SRGAP1: variants seen among roughly 807,000 people sequenced by gnomAD.
The protein encoded by SRGAP1 is SLIT-ROBO Rho GTPase activating protein 1.
A neutral mutation model predicts 121.9 loss-of-function variants in SRGAP1; 43 were observed. The observed-to-expected ratio is 0.35, with a 90% CI of 0.28 to 0.46. SRGAP1 has a LOEUF of 0.46. SRGAP1 is among the 20% of genes least tolerant of loss of function. The pLI, the probability that SRGAP1 is intolerant of heterozygous loss-of-function variation, is 1.00. For missense variants in SRGAP1, 1,102 were observed against 1,350.9 expected (o/e 0.82, Z 2.89); for synonymous variants, 447 against 485.4 (o/e 0.92, Z 1.04).
chr12:63,962,257 C>T (rs550680465), intron 1 of SRGAP1, among the ~76,000 whole-genome samples: 2 of 152,258 alleles, frequency 1.3e-5, no homozygotes, highest in African/African-American at 4.8e-5. Context: ...ATGTCCTCTA[C>T]TTCCCAATAA....
chr12:63,882,062 A>G (rs995540225), intron 1 of SRGAP1, among the ~76,000 whole-genome samples: 1 of 152,222 alleles, frequency 6.6e-6, no homozygotes, highest in African/African-American at 2.4e-5. Context: ...AATTAAGCAA[A>G]TATTAGGTTG....
At position 64,043,636 on chromosome 12, in the gene SRGAP1, C is replaced by T. The variant is rs954027205; in HGVS notation, c.801+61C>T. 25 of 1,330,330 alleles carry T rather than the reference C, an allele frequency of 1.9e-5. 1 individual carries two copies. Among genetic ancestry groups the T allele is most frequent in the African/African-American group, 3.0e-5 (2 of 67,488 alleles). 82.4% of individuals were successfully genotyped at this position (1,330,330 alleles called of 1,614,324 possible). On this transcript the variant is annotated intron_variant, in intron 6 of 21. Coordinates refer to ENST00000355086, the MANE Select transcript of SRGAP1 (RefSeq NM_020762.4). ...AATGAAATTAACAATAACCATATTT[C>T]GTTGATTGGAAAATACTGTCATTTC...
intron 1 of SRGAP1, among the ~76,000 whole-genome samples, chr12:63,913,313 C>T (rs1236286855): frequency 6.9e-6 from 1 of 145,310 alleles, no homozygotes; most frequent in Non-Finnish European, 1.5e-5. Context: ...TGCTCATAAC[C>T]ATGCCTAGCT....
chr12:63,871,677 A>C, intron 1 of SRGAP1: 1 of 683,856 alleles, frequency 1.5e-6, no homozygotes, highest in Non-Finnish European at 2.5e-6. Context: ...ATTTTCCTAC[A>C]GGTAATTTTT....
chr12:63,879,926 C>T (rs983534743), intron 1 of SRGAP1, among the ~76,000 whole-genome samples: 4 of 152,138 alleles, frequency 2.6e-5, no homozygotes, highest in African/African-American at 7.2e-5. Context: ...GGAGTATCTC[C>T]ATCCATAATG....
chr12:64,091,362 T>G lies in SRGAP1; in HGVS notation c.1523T>G (p.Leu508Trp), dbSNP rs1409765874. 1 of 1,606,048 alleles carries G rather than the reference T, an allele frequency of 6.2e-7. No individual in the cohort carries two copies. The highest frequency in any genetic ancestry group is 1.7e-5 in the Admixed American group (1 of 59,752). Residue 508 changes from leucine (L) to tryptophan (W), a missense_variant, in exon 12 of 22, where the codon TTG becomes TGG. By Grantham distance (61) the Leu-to-Trp change is moderately conservative. Transcript: ENST00000355086. ...AATACTAAGTTGTTTAATGGGGATTTGGAAACATTCGTCAAGGTACTGGCA... is the reference window on the plus strand; with the variant it reads ...AATACTAAGTTGTTTAATGGGGATTGGGAAACATTCGTCAAGGTACTGGCA... ...QYNTKLFNGDLETFVKDSGQV... is the reference protein window; with the variant it reads ...QYNTKLFNGDWETFVKDSGQV...
At chr12:63,875,753 C>T (rs1237505227) in intron 1 of SRGAP1, among the ~76,000 whole-genome samples, 4 of 152,110 alleles carry the variant, frequency 2.6e-5, no homozygotes, top group South Asian at 2.1e-4. Context: ...TTTGTAAGAA[C>T]GTAATTTGAA....
chr12:64,008,868 G>A (rs75539137), intron 3 of SRGAP1, among the ~76,000 whole-genome samples: 4,182 of 152,134 alleles, frequency 0.027, 212 homozygotes, highest in African/African-American at 0.096. Context: ...TCTTACCACA[G>A]TACTATTAAG....
rs111240851 is a variant in SRGAP1, at chr12:63,880,403, T to C, written c.67+35520T>C. 2.1e-3 allele frequency among the ~76,000 whole-genome samples: 324 copies of C among 152,242 alleles called. 2 individuals are homozygous for C. The highest frequency in any genetic ancestry group is 7.4e-3 in the African/African-American group (307 of 41,532). ...CATGCCACCCCGCCTGACTAATTTTTGTATTTTTAGTAAAGACAGGGTTTC... is the reference window on the plus strand; with the variant it reads ...CATGCCACCCCGCCTGACTAATTTTCGTATTTTTAGTAAAGACAGGGTTTC... On this transcript the variant is annotated intron_variant, in intron 1 of 21. Coordinates refer to ENST00000355086, the MANE Select transcript of SRGAP1 (RefSeq NM_020762.4).
intron 17 of SRGAP1, among the ~76,000 whole-genome samples, chr12:64,113,025 G>C (rs570761350): frequency 6.6e-6 from 1 of 152,094 alleles, no homozygotes; most frequent in Non-Finnish European, 1.5e-5. Flanking sequence ...AAGATCATTT[G>C]AGCCCAGGAG....
At chr12:63,997,159 A>G (rs1255850638) in intron 3 of SRGAP1, among the ~76,000 whole-genome samples, 1 of 152,120 alleles carries the variant, frequency 6.6e-6, no homozygotes, top group African/African-American at 2.4e-5. Flanking sequence ...ACACAGAAAA[A>G]GGTACAATAC....
rs568658027 is a variant in SRGAP1, at chr12:63,933,021, C to G, written c.68-50926C>G. Among the ~76,000 whole-genome samples, 21 of 152,258 alleles carry G rather than the reference C, an allele frequency of 1.4e-4. No individual in the cohort carries two copies. In the East Asian group the frequency reaches 4.1e-3, roughly 29 times the overall value. On this transcript the variant is annotated intron_variant, in intron 1 of 21. Transcript: ENST00000355086. Reference sequence around the variant, plus strand: ...TGGCCAACATGGTGAAACCCCATCTCTACTAAAAATACAAAAATTAGCTGG... The same window carrying G: ...TGGCCAACATGGTGAAACCCCATCTGTACTAAAAATACAAAAATTAGCTGG...
At chr12:64,090,815 G>A (rs1023653183) in intron 11 of SRGAP1, among the ~76,000 whole-genome samples, 3 of 152,126 alleles carry the variant, frequency 2.0e-5, no homozygotes, top group South Asian at 4.1e-4. Flanking sequence ...ACTCCAGCCT[G>A]GGTAACAGAG....
At chr12:63,907,670 G>A (rs181579243) in intron 1 of SRGAP1, among the ~76,000 whole-genome samples, 9 of 152,188 alleles carry the variant, frequency 5.9e-5, no homozygotes, top group South Asian at 2.1e-4. Flanking sequence ...CTGTCATCCC[G>A]TGTGTTGTCT....
intron 21 of SRGAP1, among the ~76,000 whole-genome samples, chr12:64,137,952 T>TAAAAAAA (rs142595703): frequency 1.4e-3 from 192 of 138,972 alleles, no homozygotes; most frequent in African/African-American, 3.3e-3. Context: ...TAATTGTGCT[T>TAAAAAAA]AAAAAAAAAA....
At chr12:64,070,757 A>G (rs917299465) in intron 8 of SRGAP1, among the ~76,000 whole-genome samples, 1 of 152,222 alleles carries the variant, frequency 6.6e-6, no homozygotes, top group Non-Finnish European at 1.5e-5. Context: ...GACAATTTGC[A>G]TGGCATGGGA....
At chr12:63,997,879 A>G (rs960493348) in intron 3 of SRGAP1, among the ~76,000 whole-genome samples, 1 of 152,192 alleles carries the variant, frequency 6.6e-6, no homozygotes, top group Non-Finnish European at 1.5e-5. Flanking sequence ...GGCAGATTCT[A>G]CATGGGCTCC....
intron 18 of SRGAP1, among the ~76,000 whole-genome samples, chr12:64,117,048 C>T (rs987857358): frequency 6.6e-6 from 1 of 152,134 alleles, no homozygotes; most frequent in Middle Eastern, 3.4e-3. Context: ...CCTGGGGTGC[C>T]GAGAATAGGG....
intron 3 of SRGAP1, among the ~76,000 whole-genome samples, chr12:63,998,296 A>T (rs1432303426): frequency 6.6e-6 from 1 of 152,244 alleles, no homozygotes; most frequent in South Asian, 2.1e-4. Context: ...TGGCATTTAC[A>T]TAACAGAAGT....
Sources: allele counts gnomAD v4.1 joint callset (sites outside exome capture counted in the v4.1 genomes callset), GRCh38; gene constraint gnomAD v4.1.1; transcripts MANE v1.5; gene names NCBI Gene and HGNC (gene_info 2026-07-23, HGNC 2026-07-21).